Variants in XPR1 observed in about 807,000 individuals in gnomAD.
The protein encoded by XPR1 is solute carrier family 53 member 1.
XPR1 carries 28 observed loss-of-function variants against 87.5 expected under a neutral mutation model. The ratio of observed to expected loss-of-function variants is 0.32; its 90% CI spans 0.24 to 0.44. The LOEUF (loss-of-function observed/expected upper bound fraction) is 0.44. Ranked by LOEUF, XPR1 falls within the 20% of genes least tolerant of loss-of-function variation. The probability of loss-of-function intolerance (pLI) is 1.00; values close to 1 mark genes in which losing one functional copy is unlikely to be tolerated. For missense variants in XPR1, 559 were observed against 862.3 expected (o/e 0.65, Z 4.41); for synonymous variants, 300 against 306.1 (o/e 0.98, Z 0.21).
chr1:180,838,445 T>C (rs1270686067), intron 11 of XPR1, among the ~76,000 whole-genome samples: 1 of 152,140 alleles, frequency 6.6e-6, no homozygotes, highest in African/African-American at 2.4e-5. Flanking sequence ...TAGCATTCAG[T>C]AAAAAGCTGA....
intron 2 of XPR1, among the ~76,000 whole-genome samples, chr1:180,748,052 A>G (rs1008424273): frequency 5.3e-5 from 8 of 152,244 alleles, no homozygotes; most frequent in Non-Finnish European, 1.0e-4. Flanking sequence ...TATCTTTGAT[A>G]ACCTGGTAGG....
intron 3 of XPR1, among the ~76,000 whole-genome samples, chr1:180,790,709 T>A (rs1649346745): frequency 6.6e-6 from 1 of 151,980 alleles, no homozygotes; most frequent in Non-Finnish European, 1.5e-5. Flanking sequence ...CCAGCTAATT[T>A]TTTTTATATT....
At chr1:180,632,779 C>G (rs985527615) in intron 1 of XPR1, among the ~76,000 whole-genome samples, 2 of 152,234 alleles carry the variant, frequency 1.3e-5, no homozygotes, top group African/African-American at 4.8e-5. Flanking sequence ...CCAAAGAGCC[C>G]TTCGGCTTTT....
chr1:180,811,356 A>C (rs1460557095), intron 6 of XPR1, 51 bp from the exon 7 acceptor site: 1 of 1,411,852 alleles, frequency 7.1e-7, no homozygotes, highest in Non-Finnish European at 1.0e-6. Flanking sequence ...GCATATAGTA[A>C]ATACAATCAG....
chr1:180,737,086 A>T (rs181411354), intron 2 of XPR1, among the ~76,000 whole-genome samples: 1 of 152,274 alleles, frequency 6.6e-6, no homozygotes, highest in African/African-American at 2.4e-5. Context: ...GGGAGTTTAG[A>T]TAAGCATCTT....
rs144939363 is a variant in XPR1 at position 180,801,883 on chromosome 1, G to A, written c.224-1505G>A. On this transcript the variant is annotated intron_variant, in intron 3 of 14. Transcript: ENST00000367590. ...GCAGCCTCTGCTCACTGCAACCTCT[G>A]CCTCCCGAATTCAAGCAATTCTCTT... 9.9e-3 allele frequency among the ~76,000 whole-genome samples: 1,498 copies of A among 150,768 alleles called. 28 individuals carry two copies. The highest frequency in any genetic ancestry group is 0.035 in the African/African-American group (1,441 of 40,924).
Position 180,880,603 on chromosome 1 carries a change from G to A in XPR1, c.2030+306G>A, listed in dbSNP as rs541044637. Among the ~76,000 whole-genome samples, 12 of 152,288 alleles carry A rather than the reference G, an allele frequency of 7.9e-5. No individual in the cohort carries two copies. In the South Asian group the frequency reaches 2.1e-3, roughly 26 times the overall value. ...CTTGACTCTTCTGTGTGTTGTGTATGCAAATAATTTTTATGTTATAAACTT... is the reference window on the plus strand; with the variant it reads ...CTTGACTCTTCTGTGTGTTGTGTATACAAATAATTTTTATGTTATAAACTT... On this transcript the variant is annotated intron_variant, in intron 14 of 14. Coordinates refer to ENST00000367590, the MANE Select transcript of XPR1 (RefSeq NM_004736.4).
intron 4 of XPR1, 35 bp downstream of exon 4, chr1:180,803,646 TA>T: frequency 6.5e-7 from 1 of 1,549,260 alleles, no homozygotes; most frequent in Non-Finnish European, 8.8e-7. Flanking sequence ...ATGGCACCTT[TA>T]AGTAAATGAG....
At chr1:180,684,182 T>TA (rs1393116054) in intron 2 of XPR1, among the ~76,000 whole-genome samples, 1 of 152,356 alleles carries the variant, frequency 6.6e-6, no homozygotes, top group East Asian at 1.9e-4. Flanking sequence ...GCTTTCTACA[T>TA]ATGGCTAGCC....
chr1:180,773,905 G>T (rs1648611090), intron 2 of XPR1, among the ~76,000 whole-genome samples: 1 of 152,152 alleles, frequency 6.6e-6, no homozygotes, highest in South Asian at 2.1e-4. Context: ...AGAAAATAGA[G>T]ATTTTACCAC....
intron 2 of XPR1, among the ~76,000 whole-genome samples, chr1:180,740,825 C>T (rs959156968): frequency 2.6e-5 from 4 of 152,170 alleles, no homozygotes; most frequent in African/African-American, 9.7e-5. Context: ...TAGGTCAAAG[C>T]ATCAGCAGAT....
intron 2 of XPR1, among the ~76,000 whole-genome samples, chr1:180,755,569 C>A (rs985797718): frequency 4.6e-5 from 7 of 152,188 alleles, no homozygotes; most frequent in African/African-American, 1.7e-4. Flanking sequence ...TAGCCCTCTG[C>A]ACTACTTCAC....
chr1:180,731,894 T>C (rs1359546868), intron 2 of XPR1, among the ~76,000 whole-genome samples: 1 of 152,156 alleles, frequency 6.6e-6, no homozygotes, highest in Non-Finnish European at 1.5e-5. Context: ...TAAAATGCCT[T>C]TTGAAATGCC....
intron 1 of XPR1, among the ~76,000 whole-genome samples, chr1:180,639,547 T>G (rs1226977824): frequency 6.6e-6 from 1 of 152,148 alleles, no homozygotes; most frequent in Non-Finnish European, 1.5e-5. Context: ...GAACAAGTGA[T>G]TTTTTTCAAG....
At chr1:180,882,176 A>T (rs1337665416) in intron 14 of XPR1, among the ~76,000 whole-genome samples, 1 of 152,160 alleles carries the variant, frequency 6.6e-6, no homozygotes, top group Non-Finnish European at 1.5e-5. Context: ...ATTCTGTTCC[A>T]TTTCAGGTGT....
At chr1:180,815,692 T>G (rs749614846) in intron 7 of XPR1, among the ~76,000 whole-genome samples, 2 of 152,174 alleles carry the variant, frequency 1.3e-5, no homozygotes, top group African/African-American at 2.4e-5. Flanking sequence ...TTTTGCAGGT[T>G]CCTACTAACA....
At chr1:180,782,595 T>C (rs72723026) in intron 2 of XPR1, among the ~76,000 whole-genome samples, 8,198 of 151,858 alleles carry the variant, frequency 0.054, 394 homozygotes, top group Non-Finnish European at 0.08. Flanking sequence ...CTGGTGTCTC[T>C]TTTTTTATAG....
chr1:180,875,532 T>G (rs1293804761), intron 13 of XPR1, among the ~76,000 whole-genome samples: 2 of 151,760 alleles, frequency 1.3e-5, no homozygotes, highest in Admixed American at 6.6e-5. Flanking sequence ...AAAAAAATTT[T>G]TTTTTGAACA....
At position 180,836,861 on chromosome 1, in the gene XPR1, C is replaced by T. The variant is rs1204649733; in HGVS notation, c.1501+145C>T. 9.9e-6 allele frequency: 9 copies of T among 907,214 alleles called. No homozygotes were observed. The African/African-American group carries it at 1.0e-4, about 10-fold the overall frequency. 56.2% of individuals were successfully genotyped at this position (907,214 alleles called of 1,614,324 possible). Reference sequence around the variant, plus strand: ...GTTCCTTCAGTTATATCAGTTTGTTCTTGAATGCAGTTTTAGTCTCATTCC... The same window carrying T: ...GTTCCTTCAGTTATATCAGTTTGTTTTTGAATGCAGTTTTAGTCTCATTCC... On this transcript the variant is annotated intron_variant, in intron 11 of 14. Coordinates refer to ENST00000367590, the MANE Select transcript of XPR1 (RefSeq NM_004736.4).
Sources: allele counts gnomAD v4.1 joint callset (sites outside exome capture counted in the v4.1 genomes callset), GRCh38; gene constraint gnomAD v4.1.1; transcripts MANE v1.5; gene names NCBI Gene and HGNC (gene_info 2026-07-23, HGNC 2026-07-21).